CADM2: variants seen among roughly 807,000 people sequenced by gnomAD.
CADM2 encodes immunoglobulin superfamily member 4D.
In CADM2, 12 loss-of-function variants were observed where a neutral mutation model predicts 49.8. The observed-to-expected ratio is 0.24, with a 90% CI of 0.15 to 0.39. CADM2 has a LOEUF of 0.39. Ranked by LOEUF, CADM2 falls within the 10% of genes least tolerant of loss-of-function variation. The probability of loss-of-function intolerance (pLI) is 1.00; values close to 1 mark genes in which losing one functional copy is unlikely to be tolerated. For missense variants in CADM2, 378 were observed against 492.3 expected (o/e 0.77, Z 2.20); for synonymous variants, 214 against 175.4 (o/e 1.22, Z -1.74).
At chr3:85,662,727 C>T (rs2065447957) in intron 1 of CADM2, among the ~76,000 whole-genome samples, 1 of 152,018 alleles carries the variant, frequency 6.6e-6, no homozygotes. Flanking sequence ...CCTTTTCTTC[C>T]CACCTATCCC....
Position 85,802,120 on chromosome 3 carries a change from G to C in CADM2, c.162G>C (p.Arg54Ser), listed in dbSNP as rs146842915. The change falls in exon 3 of 10, where the codon AGG becomes AGC. Residue 54 changes from arginine (R) to serine (S), a missense_variant. Transcript: ENST00000383699. ...VEGGTAILTCRVDQNDNTSLQ... is the reference protein window; with the variant it reads ...VEGGTAILTCSVDQNDNTSLQ... ...GTGGAACTGCAATTTTGACCTGCAG[G>C]GTTGATCAAAATGATAACACCTCCC... 209 of 1,613,196 alleles carry C rather than the reference G, an allele frequency of 1.3e-4. No individual in the cohort carries two copies. Among genetic ancestry groups the C allele is most frequent in the East Asian group, 4.0e-4 (18 of 44,788 alleles).
intron 1 of CADM2, among the ~76,000 whole-genome samples, chr3:85,311,692 A>G (rs1220491768): frequency 1.3e-5 from 2 of 152,034 alleles, no homozygotes; most frequent in Admixed American, 1.3e-4. Context: ...TTTTTATTTT[A>G]AAGTTGGGAC....
chr3:85,990,595 A>G (rs73843565), intron 8 of CADM2, among the ~76,000 whole-genome samples: 5,759 of 152,182 alleles, frequency 0.038, 227 homozygotes, highest in East Asian at 0.11. Context: ...TAATTTCTAA[A>G]ATTAAATATG....
chr3:85,042,853 C>T (rs1344322050), intron 1 of CADM2, among the ~76,000 whole-genome samples: 2 of 152,020 alleles, frequency 1.3e-5, no homozygotes, highest in Non-Finnish European at 2.9e-5. Flanking sequence ...TTGGTTGAGT[C>T]TAAGAACCAA....
chr3:85,398,775 A>C (rs1304155669), intron 1 of CADM2, among the ~76,000 whole-genome samples: 1 of 152,020 alleles, frequency 6.6e-6, no homozygotes, highest in South Asian at 2.1e-4. Flanking sequence ...AGCATTTTTT[A>C]ATGTGTCTGT....
intron 8 of CADM2, among the ~76,000 whole-genome samples, chr3:85,975,373 G>A (rs1398854061): frequency 6.8e-6 from 1 of 146,738 alleles, no homozygotes; most frequent in Non-Finnish European, 1.5e-5. Flanking sequence ...TGTTAGATTA[G>A]ATAGCAAACA....
chr3:85,894,262 C>G (rs1714897713), intron 5 of CADM2, among the ~76,000 whole-genome samples: 1 of 152,128 alleles, frequency 6.6e-6, no homozygotes, highest in Non-Finnish European at 1.5e-5. Flanking sequence ...AAACCAAACA[C>G]CGCATGTTCT....
chr3:85,189,693 T>G (rs965475664), intron 1 of CADM2, among the ~76,000 whole-genome samples: 1 of 152,298 alleles, frequency 6.6e-6, no homozygotes, highest in African/African-American at 2.4e-5. Flanking sequence ...ATTTGATAAT[T>G]CTGTGAGTCA....
chr3:85,727,165 T>C (rs567620618), intron 2 of CADM2, among the ~76,000 whole-genome samples: 1 of 152,258 alleles, frequency 6.6e-6, no homozygotes, highest in Non-Finnish European at 1.5e-5. Context: ...TGTATGATAC[T>C]GTATCATAGA....
At chr3:85,936,830 A>G (rs1347617566) in intron 7 of CADM2, among the ~76,000 whole-genome samples, 1 of 151,820 alleles carries the variant, frequency 6.6e-6, no homozygotes, top group Non-Finnish European at 1.5e-5. Flanking sequence ...TACCATATTA[A>G]TAAATCCATG....
At chr3:86,017,381 A>T (rs1405112736) in intron 8 of CADM2, among the ~76,000 whole-genome samples, 1 of 152,010 alleles carries the variant, frequency 6.6e-6, no homozygotes, top group Non-Finnish European at 1.5e-5. Flanking sequence ...TCTGAAGAAA[A>T]ATTATAAAAT....
Position 85,829,290 on chromosome 3 carries a change from T to C in CADM2, c.238+27094T>C, listed in dbSNP as rs1435666177. ...CAACTGATCTGCTTTTTTTTTGCTTTTATTATTTTTAATTGACACATAATA... is the reference window on the plus strand; with the variant it reads ...CAACTGATCTGCTTTTTTTTTGCTTCTATTATTTTTAATTGACACATAATA... On this transcript the variant is annotated intron_variant, in intron 3 of 9. Coordinates refer to ENST00000383699, the MANE Select transcript of CADM2 (RefSeq NM_001167675.2). 5.3e-5 allele frequency among the ~76,000 whole-genome samples: 8 copies of C among 152,008 alleles called. No homozygotes were observed. In the East Asian group the frequency reaches 1.6e-3, roughly 30 times the overall value.
chr3:85,919,124 A>C (rs1718765788), intron 6 of CADM2, among the ~76,000 whole-genome samples: 1 of 152,072 alleles, frequency 6.6e-6, no homozygotes, highest in Non-Finnish European at 1.5e-5. Context: ...TGAAAATATG[A>C]AAAATGAGAG....
At chr3:84,962,881 T>C (rs998570003) in intron 1 of CADM2, among the ~76,000 whole-genome samples, 8 of 151,290 alleles carry the variant, frequency 5.3e-5, no homozygotes, top group African/African-American at 1.7e-4. Flanking sequence ...ATCACCTATA[T>C]TTTTTACCTT....
At chr3:85,511,109 G>C (rs1015751171) in intron 1 of CADM2, among the ~76,000 whole-genome samples, 3 of 151,990 alleles carry the variant, frequency 2.0e-5, no homozygotes, top group Admixed American at 6.6e-5. Flanking sequence ...CACTTCAGTT[G>C]ATGTAAACTA....
At chr3:85,390,159 G>T (rs1445434933) in intron 1 of CADM2, among the ~76,000 whole-genome samples, 1 of 151,832 alleles carries the variant, frequency 6.6e-6, no homozygotes, top group Non-Finnish European at 1.5e-5. Context: ...TTTCTAATGG[G>T]AGACCTCATG....
At chr3:85,844,429 G>T (rs2074786275) in intron 3 of CADM2, among the ~76,000 whole-genome samples, 1 of 151,972 alleles carries the variant, frequency 6.6e-6, no homozygotes, top group South Asian at 2.1e-4. Context: ...AGGCATATTT[G>T]CTGCTGTAGC....
At chr3:85,185,953 A>T (rs988198652) in intron 1 of CADM2, among the ~76,000 whole-genome samples, 1 of 152,116 alleles carries the variant, frequency 6.6e-6, no homozygotes, top group Non-Finnish European at 1.5e-5. Flanking sequence ...TTCGAAGGAG[A>T]TATTATGGCA....
chr3:85,813,366 A>G (rs1236914746), intron 3 of CADM2, among the ~76,000 whole-genome samples: 1 of 151,974 alleles, frequency 6.6e-6, no homozygotes, highest in African/African-American at 2.4e-5. Flanking sequence ...GTGTCTGTTT[A>G]TATGCTTTGC....
Sources: allele counts gnomAD v4.1 joint callset (sites outside exome capture counted in the v4.1 genomes callset), GRCh38; gene constraint gnomAD v4.1.1; transcripts MANE v1.5; gene names NCBI Gene and HGNC (gene_info 2026-07-23, HGNC 2026-07-21).